The following ARNT2 variants were observed in gnomAD, a reference collection of about 807,000 sequenced individuals.
ARNT2 encodes the protein aryl hydrocarbon receptor nuclear translocator 2.
Under a neutral mutation model 91.7 loss-of-function variants are expected in ARNT2, and 36 were observed. That is an observed-to-expected ratio of 0.39 (90% CI 0.30 to 0.52). ARNT2 has a LOEUF of 0.52. Ranked by LOEUF, ARNT2 falls within the 20% of genes least tolerant of loss-of-function variation. ARNT2 has a pLI of 0.72. For synonymous variants in ARNT2, 365 were observed against 347.1 expected, an observed-to-expected ratio of 1.05 and a Z score of -0.57; for missense variants, 775 against 939.3, an observed-to-expected ratio of 0.83 and a Z score of 2.29.
chr15:80,466,215 C>T (rs144305534), intron 3 of ARNT2, among the ~76,000 whole-genome samples: 3 of 152,270 alleles, frequency 2.0e-5, no homozygotes, highest in East Asian at 1.9e-4. Context: ...AAGATGGGTA[C>T]CTCACCGTTC....
chr15:80,551,104 G>C, intron 8 of ARNT2, 95 bp from the exon 9 acceptor site: 2 of 1,239,760 alleles, frequency 1.6e-6, no homozygotes. Flanking sequence ...AACACTCACT[G>C]TATTTTCGAT....
intron 1 of ARNT2, among the ~76,000 whole-genome samples, chr15:80,405,854 A>G (rs530925245): frequency 6.6e-6 from 1 of 152,260 alleles, no homozygotes; most frequent in East Asian, 1.9e-4. Context: ...TCCTCTGCAC[A>G]CTTCCTAAGA....
At chr15:80,552,883 T>C (rs1222845602) in intron 10 of ARNT2, 109 bp downstream of exon 10, 6 of 1,379,450 alleles carry the variant, frequency 4.3e-6, no homozygotes, top group Non-Finnish European at 6.0e-6. Flanking sequence ...AGAAACATCA[T>C]AAAGACCCAT....
Position 80,596,943 on chromosome 15 carries a change from TGG to T in ARNT2, c.*3246_*3247del. 5.6e-6 allele frequency: 2 copies of T among 355,062 alleles called. No individual in the cohort carries two copies. The highest frequency in any genetic ancestry group is 1.1e-5 in the Non-Finnish European group (2 of 180,184). The allele number at this position is 355,062 out of a possible 1,614,324, so 22.0% of individuals were successfully genotyped here. A position where few individuals can be genotyped will look rare whatever the true frequency, so the allele number is the denominator to read the frequency against. ...CTCCCCCCAGTTTTATTTTTAGCTT[TGG>T]CTTCAGGGAGTGACAGCCATCACAA... On this transcript the variant is annotated 3_prime_UTR_variant, in exon 19 of 19. Transcript: ENST00000303329.
intron 3 of ARNT2, among the ~76,000 whole-genome samples, chr15:80,462,172 G>C (rs1045087685): frequency 6.6e-6 from 1 of 151,278 alleles, no homozygotes; most frequent in African/African-American, 2.4e-5. Context: ...GAGTGGTTCA[G>C]GGGCATCTTC....
chr15:80,410,224 A>T (rs1160009960), intron 1 of ARNT2, among the ~76,000 whole-genome samples: 1 of 152,216 alleles, frequency 6.6e-6, no homozygotes, highest in Non-Finnish European at 1.5e-5. Flanking sequence ...CAGGGATGCC[A>T]TGCTGAACAA....
At chr15:80,464,808 A>G (rs1896626959) in intron 3 of ARNT2, among the ~76,000 whole-genome samples, 1 of 152,156 alleles carries the variant, frequency 6.6e-6, no homozygotes, top group African/African-American at 2.4e-5. Flanking sequence ...ATGTTCCTGG[A>G]AAGGTACAGT....
At chr15:80,580,373 G>T in intron 15 of ARNT2, 38 bp from the exon 16 acceptor site, 1 of 1,612,662 alleles carries the variant, frequency 6.2e-7, no homozygotes, top group Non-Finnish European at 8.5e-7. Flanking sequence ...TGCAAACCAG[G>T]TGTGTCCTCG....
At position 80,592,386 on chromosome 15, in the gene ARNT2, G is replaced by A. The variant is rs559598056; in HGVS notation, c.2055+682G>A. ...TGGAAGGCTTCAAATGGAGGTACGA[G>A]CCCATTAACTCCCCTTCAGCCATCC... On this transcript the variant is annotated intron_variant, in intron 18 of 18. Coordinates refer to ENST00000303329, the MANE Select transcript of ARNT2 (RefSeq NM_014862.4). Among the ~76,000 whole-genome samples the A allele has an allele frequency of 1.2e-4, 19 of 152,308 alleles. No individual in the cohort carries two copies. The South Asian group carries it at 3.5e-3, about 28-fold the overall frequency.
intron 8 of ARNT2, among the ~76,000 whole-genome samples, chr15:80,530,726 C>G (rs1024745910): frequency 3.3e-5 from 5 of 152,130 alleles, no homozygotes; most frequent in Non-Finnish European, 7.3e-5. Context: ...AAAGCTTTGC[C>G]TTGCAAAGTG....
At chr15:80,553,166 AACCTTTTTTTGTATAGGTG>A (rs1898115669) in intron 10 of ARNT2, among the ~76,000 whole-genome samples, 2 of 152,202 alleles carry the variant, frequency 1.3e-5, no homozygotes, top group Non-Finnish European at 2.9e-5. Context: ...TGCATTTGGA[AACCTTTTTTTGTATAGGTG>A]GCACGTCTTT....
At position 80,573,297 on chromosome 15, in the gene ARNT2, T is replaced by C. The variant is rs115532732; in HGVS notation, c.1317-851T>C. Among the ~76,000 whole-genome samples, 777 of 152,390 alleles carry C rather than the reference T, an allele frequency of 5.1e-3. 8 individuals carry two copies. The highest frequency in any genetic ancestry group is 0.018 in the African/African-American group (740 of 41,600). Reference sequence around the variant, plus strand: ...ATTGTATCTATTATATATACGTTATTATAGGTACATACAGTACATGTATAT... The same window carrying C: ...ATTGTATCTATTATATATACGTTATCATAGGTACATACAGTACATGTATAT... On this transcript the variant is annotated intron_variant, in intron 12 of 18. Coordinates refer to ENST00000303329, the MANE Select transcript of ARNT2 (RefSeq NM_014862.4).
Position 80,470,271 on chromosome 15 carries a change from T to A in ARNT2, c.248T>A (p.Ile83Asn). ...AGACGGAACAAGATGACTCAGTACA[T>A]CACGGAGCTCTCCGACATGGTCCCC... ...RRRRNKMTQY[I>N]TELSDMVPTC... The change falls in exon 4 of 19, where the codon ATC becomes AAC. Residue 83 changes from isoleucine (I) to asparagine (N), a missense_variant. Coordinates refer to ENST00000303329, the MANE Select transcript of ARNT2 (RefSeq NM_014862.4). 1 of 1,614,032 alleles carries A rather than the reference T, an allele frequency of 6.2e-7. No homozygotes were observed. Among genetic ancestry groups the A allele is most frequent in the Non-Finnish European group, 8.5e-7 (1 of 1,180,008 alleles).
chr15:80,483,370 A>T (rs1360422385), intron 5 of ARNT2, among the ~76,000 whole-genome samples: 1 of 152,232 alleles, frequency 6.6e-6, no homozygotes, highest in East Asian at 1.9e-4. Flanking sequence ...GACTGGCATG[A>T]AGTGATGGGA....
At chr15:80,415,478 AG>A (rs1895765249) in intron 1 of ARNT2, among the ~76,000 whole-genome samples, 1 of 152,136 alleles carries the variant, frequency 6.6e-6, no homozygotes, top group Non-Finnish European at 1.5e-5. Context: ...ATGCAACAGG[AG>A]GCCATTGAAG....
chr15:80,495,601 A>C (rs1897115207), intron 5 of ARNT2, among the ~76,000 whole-genome samples: 1 of 152,204 alleles, frequency 6.6e-6, no homozygotes, highest in African/African-American at 2.4e-5. Flanking sequence ...GGTTTGTCAG[A>C]AGCATGTTTC....
intron 1 of ARNT2, among the ~76,000 whole-genome samples, chr15:80,428,134 A>T (rs1338166140): frequency 6.6e-6 from 1 of 151,964 alleles, no homozygotes; most frequent in African/African-American, 2.4e-5. Flanking sequence ...TGAGTGGAAG[A>T]CTCCGTGTGG....
intron 1 of ARNT2, among the ~76,000 whole-genome samples, chr15:80,446,947 T>C (rs1896315029): frequency 1.3e-5 from 2 of 152,208 alleles, no homozygotes; most frequent in African/African-American, 4.8e-5. Context: ...TAAAAAGTAT[T>C]ATTCTATTTG....
Position 80,597,447 on chromosome 15 carries a change from TA to T in ARNT2, c.*3751del. ...TCATTCCCCACCAAACACCCCATAC[TA>T]AGGAGCCATGAGCCACCTGGACATT... On this transcript the variant is annotated 3_prime_UTR_variant, in exon 19 of 19. Coordinates refer to ENST00000303329, the MANE Select transcript of ARNT2 (RefSeq NM_014862.4). 1 of 343,896 alleles carries T rather than the reference TA, an allele frequency of 2.9e-6. No homozygotes were observed. The highest frequency in any genetic ancestry group is 5.8e-6 in the Non-Finnish European group (1 of 172,966). The allele number at this position is 343,896 out of a possible 1,614,324, so 21.3% of individuals were successfully genotyped here. A position where few individuals can be genotyped will look rare whatever the true frequency, so the allele number is the denominator to read the frequency against.
Sources: allele counts gnomAD v4.1 joint callset (sites outside exome capture counted in the v4.1 genomes callset), GRCh38; gene constraint gnomAD v4.1.1; transcripts MANE v1.5; gene names NCBI Gene and HGNC (gene_info 2026-07-23, HGNC 2026-07-21).